GABRB2: variants seen among roughly 807,000 people sequenced by gnomAD.
GABRB2 encodes the protein gamma-aminobutyric acid type A receptor subunit beta2.
Under a neutral mutation model 54.7 loss-of-function variants are expected in GABRB2, and 16 were observed. The ratio of observed to expected loss-of-function variants is 0.29; its 90% CI spans 0.20 to 0.44. The LOEUF (loss-of-function observed/expected upper bound fraction) is 0.44, where lower values mean the gene tolerates loss of function less well. Ranked by LOEUF, GABRB2 falls within the 20% of genes least tolerant of loss-of-function variation. The pLI is 1.00. For synonymous variants in GABRB2, 244 were observed against 233.8 expected, an observed-to-expected ratio of 1.04 and a Z score of -0.40; for missense variants, 355 against 644.0, an observed-to-expected ratio of 0.55 and a Z score of 4.86.
chr5:161,538,884 G>A (rs1468927521), intron 3 of GABRB2, among the ~76,000 whole-genome samples: 1 of 152,138 alleles, frequency 6.6e-6, no homozygotes, highest in Non-Finnish European at 1.5e-5. Flanking sequence ...GGATGGGTTG[G>A]TCTCATTCAC....
At chr5:161,427,755 A>G (rs191160839) in intron 4 of GABRB2, among the ~76,000 whole-genome samples, 4 of 152,352 alleles carry the variant, frequency 2.6e-5, no homozygotes, top group Non-Finnish European at 5.9e-5. Flanking sequence ...AGGGCTAGGT[A>G]AAGATATATT....
At chr5:161,422,402 C>G (rs1278930908) in intron 4 of GABRB2, among the ~76,000 whole-genome samples, 3 of 151,738 alleles carry the variant, frequency 2.0e-5, no homozygotes, top group Non-Finnish European at 1.5e-5. Flanking sequence ...GAATTTTGAT[C>G]CAGTCACATG....
intron 3 of GABRB2, among the ~76,000 whole-genome samples, chr5:161,477,447 A>G (rs993870939): frequency 1.3e-5 from 2 of 151,908 alleles, no homozygotes; most frequent in South Asian, 4.1e-4. Flanking sequence ...CAGCAAGCCA[A>G]GTTCTGGCTA....
chr5:161,490,388 A>G (rs1394430903), intron 3 of GABRB2, among the ~76,000 whole-genome samples: 1 of 151,706 alleles, frequency 6.6e-6, no homozygotes, highest in African/African-American at 2.4e-5. Context: ...CATGGTTCAC[A>G]AGGGTGGTTT....
At chr5:161,399,351 A>G (rs535882412) in intron 5 of GABRB2, among the ~76,000 whole-genome samples, 1 of 152,128 alleles carries the variant, frequency 6.6e-6, no homozygotes, top group Non-Finnish European at 1.5e-5. Context: ...ACGTTTTTCT[A>G]TGGTTCTAAA....
At chr5:161,319,307 G>T in intron 9 of GABRB2, among the ~76,000 whole-genome samples, 1 of 149,860 alleles carries the variant, frequency 6.7e-6, no homozygotes, top group African/African-American at 2.4e-5. Context: ...AATTTCCTAA[G>T]AGATTTTAAA....
intron 3 of GABRB2, among the ~76,000 whole-genome samples, chr5:161,494,881 G>C (rs1759185374): frequency 6.6e-6 from 1 of 151,716 alleles, no homozygotes; most frequent in Non-Finnish European, 1.5e-5. Context: ...GACAGTATAT[G>C]CTATTACTCA....
chr5:161,418,508 A>C (rs1196786070), intron 4 of GABRB2, among the ~76,000 whole-genome samples: 2 of 152,224 alleles, frequency 1.3e-5, no homozygotes, highest in Non-Finnish European at 2.9e-5. Context: ...TGGATTAAGT[A>C]GTTAAATATA....
At chr5:161,539,106 T>C (rs1760734122) in intron 3 of GABRB2, among the ~76,000 whole-genome samples, 1 of 152,242 alleles carries the variant, frequency 6.6e-6, no homozygotes, top group Non-Finnish European at 1.5e-5. Flanking sequence ...TGCTTCACTC[T>C]TTGGTTGGCA....
intron 5 of GABRB2, among the ~76,000 whole-genome samples, chr5:161,402,764 A>G (rs1756234522): frequency 6.6e-6 from 1 of 152,144 alleles, no homozygotes. Context: ...ACTGTGTTAG[A>G]AAGCCTGGAG....
At chr5:161,468,255 A>T (rs1758334247) in intron 3 of GABRB2, among the ~76,000 whole-genome samples, 1 of 152,102 alleles carries the variant, frequency 6.6e-6, no homozygotes, top group African/African-American at 2.4e-5. Flanking sequence ...ATCCAAGCTT[A>T]TTACGATGGC....
intron 5 of GABRB2, among the ~76,000 whole-genome samples, chr5:161,353,936 T>G (rs1754543155): frequency 6.6e-6 from 1 of 152,050 alleles, no homozygotes; most frequent in Admixed American, 6.6e-5. Flanking sequence ...CAATTGATTT[T>G]CAGATCCAAG....
At chr5:161,512,194 A>G (rs1759793837) in intron 3 of GABRB2, among the ~76,000 whole-genome samples, 1 of 152,024 alleles carries the variant, frequency 6.6e-6, no homozygotes, top group African/African-American at 2.4e-5. Flanking sequence ...CTCTATTCCT[A>G]TCAAACTACA....
intron 3 of GABRB2, among the ~76,000 whole-genome samples, chr5:161,523,405 A>T (rs1008208394): frequency 6.6e-6 from 1 of 151,502 alleles, no homozygotes; most frequent in African/African-American, 2.4e-5. Context: ...ATACATTTCA[A>T]CCAATTTCAA....
chr5:161,506,894 A>C (rs950587344), intron 3 of GABRB2, among the ~76,000 whole-genome samples: 7 of 152,144 alleles, frequency 4.6e-5, no homozygotes, highest in African/African-American at 9.6e-5. Flanking sequence ...AAATAGAAAA[A>C]ATGATTTTCT....
chr5:161,360,535 T>C (rs1328905701), intron 5 of GABRB2, among the ~76,000 whole-genome samples: 1 of 152,222 alleles, frequency 6.6e-6, no homozygotes, highest in Non-Finnish European at 1.5e-5. Flanking sequence ...AACCAATTTA[T>C]TATTTTAAAA....
At chr5:161,441,638 A>C (rs896374649) in intron 4 of GABRB2, among the ~76,000 whole-genome samples, 1 of 152,202 alleles carries the variant, frequency 6.6e-6, no homozygotes, top group Non-Finnish European at 1.5e-5. Context: ...TGTATCAAAT[A>C]GATTTCTGTA....
chr5:161,520,774 T>C (rs1294181402), intron 3 of GABRB2, among the ~76,000 whole-genome samples: 1 of 152,078 alleles, frequency 6.6e-6, no homozygotes, highest in Non-Finnish European at 1.5e-5. Flanking sequence ...AAAGAAATTC[T>C]GTTGTTTTGG....
intron 4 of GABRB2, among the ~76,000 whole-genome samples, chr5:161,452,075 T>C (rs1036024759): frequency 1.3e-5 from 2 of 152,156 alleles, no homozygotes; most frequent in African/African-American, 4.8e-5. Flanking sequence ...AGATTCTAAG[T>C]TTTAATGAAA....
Sources: gnomAD v4.1 joint callset for allele counts (sites outside exome capture counted in the v4.1 genomes callset) on GRCh38, gnomAD v4.1.1 for gene constraint, MANE v1.5 for transcripts, NCBI Gene and HGNC (gene_info 2026-07-23, HGNC 2026-07-21) for gene names.